MGA: variants seen among roughly 807,000 people sequenced by gnomAD.
The protein encoded by MGA is MAX dimerization protein MGA, also known as MAX gene-associated protein.
MGA carries 40 observed loss-of-function variants against 261.1 expected under a neutral mutation model. That is an observed-to-expected ratio of 0.15 (90% confidence interval 0.12 to 0.20). MGA has a LOEUF of 0.20. Among genes scored for constraint, MGA ranks in the 10% least tolerant of loss-of-function variants. The probability of loss-of-function intolerance (pLI) is 1.00; values close to 1 mark genes in which losing one functional copy is unlikely to be tolerated. For synonymous variants in MGA, 1,302 were observed against 1,290.6 expected, an observed-to-expected ratio of 1.01 and a Z score of -0.19; for missense variants, 3,397 against 3,630.5, an observed-to-expected ratio of 0.94 and a Z score of 1.65.
At chr15:41,718,583 G>A (rs957206824) in intron 9 of MGA, 4 of 368,592 alleles carry the variant, frequency 1.1e-5, no homozygotes, top group African/African-American at 2.1e-5. Context: ...ACTGCTTCTC[G>A]AAGTGAGCAT....
At position 41,668,793 on chromosome 15, in the gene MGA, T is replaced by C. The variant is rs949944911; in HGVS notation, c.-67-35T>C. On this transcript the variant is annotated intron_variant, in intron 1 of 23. Transcript: ENST00000219905. ...AAATACTCACTTGATTAAAGGGTGT[T>C]TTTTGTTTTTGGTTTTTTTTTGCTT... The C allele has an allele frequency of 3.6e-6, 3 of 826,642 alleles. No homozygotes were observed. The African/African-American group carries it at 5.1e-5, about 14-fold the overall frequency. 51.2% of individuals were successfully genotyped at this position (826,642 alleles called of 1,614,324 possible). A position where few individuals can be genotyped will look rare whatever the true frequency, so the allele number is the denominator to read the frequency against.
chr15:41,709,469 G>A (rs967713448), intron 7 of MGA, among the ~76,000 whole-genome samples: 1 of 152,082 alleles, frequency 6.6e-6, no homozygotes, highest in African/African-American at 2.4e-5. Flanking sequence ...TTTAAAGACG[G>A]GGTCTTGCTC....
intron 2 of MGA, among the ~76,000 whole-genome samples, chr15:41,695,849 C>G (rs2059528423): frequency 6.6e-6 from 1 of 151,926 alleles, no homozygotes; most frequent in Non-Finnish European, 1.5e-5. Flanking sequence ...GTTTAATGGC[C>G]CTTTCCGGTT....
At chr15:41,752,741 A>G (rs1199605261) in intron 17 of MGA, among the ~76,000 whole-genome samples, 4 of 151,782 alleles carry the variant, frequency 2.6e-5, no homozygotes, top group Admixed American at 6.6e-5. Flanking sequence ...TTTTTTTAGT[A>G]AAGACAGGGT....
chr15:41,761,723 A>G lies in MGA; in HGVS notation c.7399-16A>G, dbSNP rs369565231. On this transcript the variant is annotated splice_polypyrimidine_tract_variant and intron_variant, in intron 20 of 23. Coordinates refer to ENST00000219905, the MANE Select transcript of MGA (RefSeq NM_001164273.2). ...GAGTGGATCAATTTTCAATAATACCACTATTTGTATTCTAGGCCTTCAGTG... is the reference window on the plus strand; with the variant it reads ...GAGTGGATCAATTTTCAATAATACCGCTATTTGTATTCTAGGCCTTCAGTG... 7.1e-5 allele frequency: 106 copies of G among 1,483,406 alleles called. No individual in the cohort carries two copies. The highest frequency in any genetic ancestry group is 9.0e-5 in the Non-Finnish European group (97 of 1,080,184). The allele number at this position is 1,483,406 out of a possible 1,614,324, so 91.9% of individuals were successfully genotyped here.
intron 2 of MGA, among the ~76,000 whole-genome samples, chr15:41,685,280 G>A (rs758291007): frequency 1.8e-4 from 27 of 152,088 alleles, no homozygotes; most frequent in Non-Finnish European, 2.9e-4. Context: ...CGCACAGGTA[G>A]GTTTATTTTA....
rs1281012102 is a variant in MGA at position 41,696,103 on chromosome 15, T to A, written c.1093T>A (p.Ser365Thr). The A allele has an allele frequency of 6.2e-7, 1 of 1,611,692 alleles. No homozygotes were observed. Among genetic ancestry groups the A allele is most frequent in the Non-Finnish European group, 8.5e-7 (1 of 1,178,772 alleles). The stretch of plus-strand genomic sequence containing the variant: ...TATTGCCAGCAGTTTTGAAGATGAC[T>A]CCCGTGTAGCCTCACCGTTAGACCA... Residue 365 changes from serine to threonine, a missense_variant, in exon 3 of 24, where the codon TCC becomes ACC. Physicochemically the swap from Ser to Thr is moderately conservative, Grantham distance 58. Transcript: ENST00000219905.
At chr15:41,709,159 C>A (rs2060260159) in intron 7 of MGA, among the ~76,000 whole-genome samples, 1 of 152,004 alleles carries the variant, frequency 6.6e-6, no homozygotes, top group African/African-American at 2.4e-5. Flanking sequence ...CCAGCCTGGG[C>A]AACATGGTGA....
intron 9 of MGA, among the ~76,000 whole-genome samples, chr15:41,716,002 C>A (rs1332536201): frequency 6.6e-6 from 1 of 152,148 alleles, no homozygotes; most frequent in Non-Finnish European, 1.5e-5. Flanking sequence ...TGTCTTCATC[C>A]TGTGCCCTAT....
intron 9 of MGA, among the ~76,000 whole-genome samples, chr15:41,717,421 T>C (rs546658864): frequency 1.3e-5 from 2 of 152,298 alleles, no homozygotes; most frequent in South Asian, 4.1e-4. Flanking sequence ...AAAGAGAACA[T>C]ACTAATTACC....
At position 41,669,183 on chromosome 15, in the gene MGA, C is replaced by T. The variant is rs1045648939; in HGVS notation, c.289C>T (p.Leu97=). 1.9e-6 allele frequency: 3 copies of T among 1,614,004 alleles called. No homozygotes were observed. The highest frequency in any genetic ancestry group is 1.7e-6 in the Non-Finnish European group (2 of 1,179,890). The stretch of plus-strand genomic sequence containing the variant: ...CTATCATCGAAGCACAGAGATGATT[C>T]TGACCAAGCAAGGAAGACGCATGTT... The change falls in exon 2 of 24, where the codon CTG becomes TTG. Residue 97 remains leucine, a synonymous_variant. Transcript: ENST00000219905.
chr15:41,756,736 A>G (rs1450709436), intron 18 of MGA, among the ~76,000 whole-genome samples: 1 of 152,098 alleles, frequency 6.6e-6, no homozygotes, highest in Non-Finnish European at 1.5e-5. Flanking sequence ...AACATATCTC[A>G]GGTGTAATTT....
chr15:41,745,238 C>T (rs2062377725), intron 15 of MGA, among the ~76,000 whole-genome samples: 1 of 147,228 alleles, frequency 6.8e-6, no homozygotes, highest in Non-Finnish European at 1.5e-5. Flanking sequence ...GTCCTATGAC[C>T]CTGCCAAATC....
intron 2 of MGA, among the ~76,000 whole-genome samples, chr15:41,670,999 A>G (rs959357205): frequency 2.6e-5 from 4 of 152,088 alleles, no homozygotes; most frequent in African/African-American, 4.8e-5. Context: ...CCCTTCTTCA[A>G]TTATAGTAGG....
At chr15:41,746,526 CA>C (rs1418346950) in intron 15 of MGA, among the ~76,000 whole-genome samples, 2 of 112,278 alleles carry the variant, frequency 1.8e-5, no homozygotes, top group Non-Finnish European at 3.3e-5. Flanking sequence ...GCCTGGGCAA[CA>C]GAGCGAGACT....
chr15:41,676,947 C>G (rs538971968), intron 2 of MGA, among the ~76,000 whole-genome samples: 39 of 152,288 alleles, frequency 2.6e-4, no homozygotes, highest in Non-Finnish European at 4.9e-4. Flanking sequence ...CCCAAAATCC[C>G]ATGCTCTATT....
intron 1 of MGA, among the ~76,000 whole-genome samples, chr15:41,666,225 G>A (rs1159075856): frequency 6.6e-6 from 1 of 152,134 alleles, no homozygotes; most frequent in Non-Finnish European, 1.5e-5. Context: ...TTTAAAGGTT[G>A]TGTGTTCACA....
chr15:41,762,473 T>TTTTG, intron 22 of MGA, 111 bp downstream of exon 22: 1 of 704,036 alleles, frequency 1.4e-6, no homozygotes, highest in East Asian at 3.2e-5. Flanking sequence ...TTTTTTTTTT[T>TTTTG]TTTTTTTTTT....
intron 2 of MGA, among the ~76,000 whole-genome samples, chr15:41,687,727 T>TGTC (rs1475382405): frequency 1.3e-5 from 2 of 152,226 alleles, no homozygotes; most frequent in Admixed American, 6.5e-5. Context: ...TTTGCTTTAT[T>TGTC]GTCTAGGGTG....
Sources: allele counts gnomAD v4.1 joint callset (sites outside exome capture counted in the v4.1 genomes callset), GRCh38; gene constraint gnomAD v4.1.1; transcripts MANE v1.5; gene names NCBI Gene and HGNC (gene_info 2026-07-23, HGNC 2026-07-21).